CAB39: variants seen among roughly 807,000 people sequenced by gnomAD.
CAB39 encodes the protein calcium binding protein 39, also known as calcium-binding protein 39.
In CAB39, 8 loss-of-function variants were observed where a neutral mutation model predicts 40.0. That is an observed-to-expected ratio of 0.20 (90% CI 0.12 to 0.36). The LOEUF is 0.36. Among genes scored for constraint, CAB39 ranks in the 10% least tolerant of loss-of-function variants. CAB39 has a pLI of 1.00. For missense variants in CAB39, 270 were observed against 401.1 expected (o/e 0.67, Z 2.79); for synonymous variants, 156 against 141.6 (o/e 1.10, Z -0.72).
At chr2:230,778,376 A>G (rs1166426057) in intron 2 of CAB39, among the ~76,000 whole-genome samples, 3 of 152,194 alleles carry the variant, frequency 2.0e-5, no homozygotes, top group African/African-American at 4.8e-5. Flanking sequence ...GACATTGCAT[A>G]GAAGCACTAA....
chr2:230,798,971 T>C, intron 5 of CAB39, 74 bp downstream of exon 5: 1 of 1,130,662 alleles, frequency 8.8e-7, no homozygotes, highest in Non-Finnish European at 1.2e-6. Flanking sequence ...TTCATTGCCC[T>C]CCTAAATCTA....
chr2:230,741,885 C>G (rs1474532541), intron 1 of CAB39, among the ~76,000 whole-genome samples: 1 of 152,150 alleles, frequency 6.6e-6, no homozygotes, highest in East Asian at 1.9e-4. Context: ...CAAATTCTTA[C>G]AGTGGATTTG....
intron 2 of CAB39, among the ~76,000 whole-genome samples, chr2:230,764,416 G>A (rs1695346833): frequency 6.6e-6 from 1 of 152,204 alleles, no homozygotes; most frequent in African/African-American, 2.4e-5. Context: ...TGGGTGTGTA[G>A]TACATGCACT....
At chr2:230,788,759 T>C (rs1695841219) in intron 2 of CAB39, among the ~76,000 whole-genome samples, 1 of 152,214 alleles carries the variant, frequency 6.6e-6, no homozygotes, top group African/African-American at 2.4e-5. Context: ...ATCATTCCTG[T>C]CAAGAAGTCT....
intron 2 of CAB39, among the ~76,000 whole-genome samples, chr2:230,770,623 A>T (rs923255734): frequency 6.6e-6 from 1 of 152,232 alleles, no homozygotes; most frequent in Admixed American, 6.5e-5. Flanking sequence ...GCCAAATCAG[A>T]CAAAGGTATT....
In CAB39 at chr2:230,729,577, C is replaced by T. The variant is rs544462701; in HGVS notation, c.-44+16347C>T. On this transcript the variant is annotated intron_variant, in intron 1 of 8. Transcript: ENST00000258418. The stretch of plus-strand genomic sequence containing the variant: ...ACCAGCCTGGCCAACATGGTGAAAC[C>T]CCATCCCTACTAAAAATACAAAAAA... 3.3e-5 allele frequency among the ~76,000 whole-genome samples: 5 copies of T among 152,014 alleles called. No individual in the cohort carries two copies. In the East Asian group the frequency reaches 9.7e-4, roughly 29 times the overall value.
chr2:230,758,575 T>C (rs1051428505), intron 1 of CAB39, among the ~76,000 whole-genome samples: 5 of 152,234 alleles, frequency 3.3e-5, no homozygotes, highest in Non-Finnish European at 7.3e-5. Flanking sequence ...GTCACTCTAT[T>C]TCAAACTTAA....
intron 1 of CAB39, among the ~76,000 whole-genome samples, chr2:230,744,146 T>A (rs1279846484): frequency 1.3e-5 from 2 of 152,190 alleles, no homozygotes; most frequent in Non-Finnish European, 2.9e-5. Flanking sequence ...CTGGAACTCC[T>A]GACCTCAAGT....
chr2:230,720,568 T>G (rs1694430808), intron 1 of CAB39, among the ~76,000 whole-genome samples: 1 of 152,154 alleles, frequency 6.6e-6, no homozygotes, highest in Non-Finnish European at 1.5e-5. Context: ...CCCGAGTAGC[T>G]GGGATTACAG....
intron 7 of CAB39, among the ~76,000 whole-genome samples, chr2:230,816,973 G>C (rs1307451084): frequency 6.6e-6 from 1 of 152,226 alleles, no homozygotes; most frequent in African/African-American, 2.4e-5. Flanking sequence ...TGCACACTCA[G>C]CCTTGGCCAG....
chr2:230,746,211 C>T (rs1694973283), intron 1 of CAB39, among the ~76,000 whole-genome samples: 3 of 152,164 alleles, frequency 2.0e-5, no homozygotes, highest in Admixed American at 2.0e-4. Flanking sequence ...CACCTACATT[C>T]AGTGTGTAAT....
intron 1 of CAB39, among the ~76,000 whole-genome samples, chr2:230,748,823 AAAAAAAAAATATATATATATAT>A: frequency 1.7e-5 from 1 of 59,204 alleles, no homozygotes; most frequent in African/African-American, 6.5e-5. Context: ...GAAAAAAAAA[AAAAAAAAAATATATATATATAT>A]ATATATATAT....
intron 1 of CAB39, among the ~76,000 whole-genome samples, chr2:230,732,730 C>T (rs369078699): frequency 6.6e-6 from 1 of 152,126 alleles, no homozygotes. Context: ...TCTGATTATT[C>T]AGCAATGAGA....
intron 4 of CAB39, among the ~76,000 whole-genome samples, chr2:230,796,508 G>A (rs1273074725): frequency 6.6e-6 from 1 of 152,120 alleles, no homozygotes; most frequent in Non-Finnish European, 1.5e-5. Flanking sequence ...GTACCAAACT[G>A]TCTTACCCTT....
chr2:230,754,227 A>G (rs56923746), intron 1 of CAB39, among the ~76,000 whole-genome samples: 28,412 of 152,048 alleles, frequency 0.19, 4,748 homozygotes, highest in African/African-American at 0.45. Flanking sequence ...GTGGTTTGTG[A>G]GGTTTTGGTG....
chr2:230,806,530 A>C lies in CAB39; in HGVS notation c.568-3733A>C, dbSNP rs529628321. On this transcript the variant is annotated intron_variant, in intron 5 of 8. Coordinates refer to ENST00000258418, the MANE Select transcript of CAB39 (RefSeq NM_016289.4). ...GACTTTCAGAAGACAGTAGATGGTG[A>C]GGGGGACTCAGAACCCTGTCATTCG... Among the ~76,000 whole-genome samples the C allele has an allele frequency of 3.9e-5, 6 of 152,320 alleles. No individual in the cohort carries two copies. The South Asian group carries it at 1.0e-3, about 26-fold the overall frequency.
intron 3 of CAB39, among the ~76,000 whole-genome samples, chr2:230,792,286 C>T (rs1446528526): frequency 6.6e-6 from 1 of 152,150 alleles, no homozygotes; most frequent in Admixed American, 6.5e-5. Context: ...TGCCTCCACC[C>T]GACCTGGACA....
intron 1 of CAB39, chr2:230,725,437 G>T: frequency 1.3e-6 from 2 of 1,543,226 alleles, no homozygotes; most frequent in Non-Finnish European, 8.9e-7. Flanking sequence ...TTCAGTTCCC[G>T]TAACGGTTCC....
In CAB39 at chr2:230,798,625, A is replaced by G. The variant is rs1423171311; in HGVS notation, c.399-104A>G. On this transcript the variant is annotated intron_variant, in intron 4 of 8. Coordinates refer to ENST00000258418, the MANE Select transcript of CAB39 (RefSeq NM_016289.4). Reference sequence around the variant, plus strand: ...TGCGATGGTCATTTAGTTAGGATACATGTCTGAAAACTGTCTTTGGCCTGA... The same window carrying G: ...TGCGATGGTCATTTAGTTAGGATACGTGTCTGAAAACTGTCTTTGGCCTGA... 1.4e-5 allele frequency: 12 copies of G among 875,104 alleles called. No homozygotes were observed. The African/African-American group carries it at 2.0e-4, about 15-fold the overall frequency. The allele number at this position is 875,104 out of a possible 1,614,324, so 54.2% of individuals were successfully genotyped here.
Sources: gnomAD v4.1 joint callset for allele counts (sites outside exome capture counted in the v4.1 genomes callset) on GRCh38, gnomAD v4.1.1 for gene constraint, MANE v1.5 for transcripts, NCBI Gene and HGNC (gene_info 2026-07-23, HGNC 2026-07-21) for gene names.